Variants in CPED1 observed in about 807,000 individuals in gnomAD.
CPED1 encodes cadherin-like and PC-esterase domain-containing protein 1.
CPED1 carries 114 observed loss-of-function variants against 128.2 expected under a neutral mutation model. The observed-to-expected ratio is 0.89, with a 90% CI of 0.76 to 1.04. The LOEUF (loss-of-function observed/expected upper bound fraction) is 1.04, where lower values mean the gene tolerates loss of function less well. Among genes scored for constraint, CPED1 ranks in the 50% least tolerant of loss-of-function variants. The pLI is 0.00. For synonymous variants in CPED1, 462 were observed against 426.7 expected, an observed-to-expected ratio of 1.08 and a Z score of -1.02; for missense variants, 1,211 against 1,207.1, an observed-to-expected ratio of 1.00 and a Z score of -0.05.
chr7:121,097,190 C>A (rs1330796535), intron 5 of CPED1, among the ~76,000 whole-genome samples: 5 of 151,760 alleles, frequency 3.3e-5, no homozygotes, highest in Non-Finnish European at 7.4e-5. Context: ...TTTTATATAC[C>A]TTAAAATCCA....
At chr7:121,122,696 G>C (rs1028546933) in intron 7 of CPED1, among the ~76,000 whole-genome samples, 3 of 152,118 alleles carry the variant, frequency 2.0e-5, no homozygotes, top group African/African-American at 7.2e-5. Context: ...ACAGAACACA[G>C]GGCTTTCTAA....
At chr7:121,209,216 C>T (rs540958551) in intron 16 of CPED1, among the ~76,000 whole-genome samples, 4 of 152,054 alleles carry the variant, frequency 2.6e-5, no homozygotes, top group Admixed American at 6.6e-5. Context: ...GATCCATCAT[C>T]GAATAAATGG....
intron 16 of CPED1, among the ~76,000 whole-genome samples, chr7:121,161,237 G>C (rs897006658): frequency 6.6e-6 from 1 of 152,082 alleles, no homozygotes; most frequent in East Asian, 1.9e-4. Flanking sequence ...TTCTTGTCTG[G>C]AACCTCTGGG....
intron 14 of CPED1, among the ~76,000 whole-genome samples, chr7:121,138,055 A>C (rs1310430141): frequency 2.0e-5 from 3 of 152,076 alleles, no homozygotes; most frequent in Non-Finnish European, 4.4e-5. Flanking sequence ...GATAAAAATT[A>C]GTCCTGCCTG....
At chr7:121,074,576 C>T (rs1033488137) in intron 5 of CPED1, among the ~76,000 whole-genome samples, 4 of 117,270 alleles carry the variant, frequency 3.4e-5, no homozygotes, top group Non-Finnish European at 4.9e-5. Flanking sequence ...GATATCCTTT[C>T]TCCTCAATGA....
At chr7:121,133,162 G>A (rs924081254) in intron 12 of CPED1, among the ~76,000 whole-genome samples, 2 of 152,032 alleles carry the variant, frequency 1.3e-5, no homozygotes, top group Admixed American at 6.6e-5. Context: ...GTCTTGTCAG[G>A]GGCCTGCAGA....
intron 16 of CPED1, among the ~76,000 whole-genome samples, chr7:121,197,886 G>C (rs1797306597): frequency 6.6e-6 from 1 of 152,120 alleles, no homozygotes; most frequent in African/African-American, 2.4e-5. Context: ...ATTATGGATG[G>C]TAAGGCCAAG....
intron 16 of CPED1, among the ~76,000 whole-genome samples, chr7:121,210,697 G>A (rs1481371716): frequency 6.6e-6 from 1 of 151,848 alleles, no homozygotes; most frequent in African/African-American, 2.4e-5. Flanking sequence ...GGGGATGGTT[G>A]ATGTATACAA....
intron 2 of CPED1, among the ~76,000 whole-genome samples, chr7:120,994,280 A>T (rs541535591): frequency 6.6e-6 from 1 of 152,340 alleles, no homozygotes; most frequent in South Asian, 2.1e-4. Flanking sequence ...AACTAAAAAA[A>T]AATCCCCTAC....
At chr7:121,126,229 A>G (rs1795500480) in intron 9 of CPED1, among the ~76,000 whole-genome samples, 1 of 152,200 alleles carries the variant, frequency 6.6e-6, no homozygotes, top group South Asian at 2.1e-4. Context: ...GCGTATTCAC[A>G]TGAGGGTATA....
chr7:121,009,638 G>A (rs921923521), intron 2 of CPED1, among the ~76,000 whole-genome samples: 13 of 148,382 alleles, frequency 8.8e-5, no homozygotes, highest in Middle Eastern at 3.5e-3. Flanking sequence ...GTTCACATTA[G>A]GTGAAAAGAC....
chr7:121,248,360 A>G (rs1309659320), intron 18 of CPED1, among the ~76,000 whole-genome samples: 1 of 152,136 alleles, frequency 6.6e-6, no homozygotes, highest in Non-Finnish European at 1.5e-5. Context: ...AAATGCAGAC[A>G]CAGTACCAGT....
chr7:121,156,402 C>T (rs1270525342), intron 16 of CPED1, among the ~76,000 whole-genome samples: 2 of 152,096 alleles, frequency 1.3e-5, no homozygotes, highest in African/African-American at 2.4e-5. Context: ...TTTATTGCAG[C>T]GCTATTCACA....
chr7:121,130,818 T>C (rs1795649405), intron 12 of CPED1, among the ~76,000 whole-genome samples: 2 of 152,028 alleles, frequency 1.3e-5, no homozygotes, highest in South Asian at 2.1e-4. Flanking sequence ...TTTTAGAAGG[T>C]AGAATCTCAG....
chr7:121,036,505 A>ATT (rs1176031261), intron 3 of CPED1, among the ~76,000 whole-genome samples: 200 of 135,494 alleles, frequency 1.5e-3, no homozygotes, highest in African/African-American at 5.0e-3. Context: ...ATATATATAT[A>ATT]TATTTTTTTT....
chr7:121,034,001 TG>T (rs1297277905), intron 3 of CPED1, among the ~76,000 whole-genome samples: 5 of 152,160 alleles, frequency 3.3e-5, no homozygotes, highest in African/African-American at 1.2e-4. Flanking sequence ...ACATAAGTCA[TG>T]AAAAATAACA....
chr7:121,028,720 C>T (rs1330658661), intron 3 of CPED1, among the ~76,000 whole-genome samples: 1 of 152,104 alleles, frequency 6.6e-6, no homozygotes, highest in Non-Finnish European at 1.5e-5. Context: ...CTATGTGAAA[C>T]CATGTCTAAA....
intron 3 of CPED1, among the ~76,000 whole-genome samples, chr7:121,040,426 A>G (rs1421557638): frequency 6.6e-6 from 1 of 152,092 alleles, no homozygotes; most frequent in Non-Finnish European, 1.5e-5. Context: ...TCCTACATGA[A>G]GAGTGCAGAG....
chr7:121,055,103 G>C (rs535544988), intron 4 of CPED1, among the ~76,000 whole-genome samples: 1 of 152,060 alleles, frequency 6.6e-6, no homozygotes, highest in Non-Finnish European at 1.5e-5. Flanking sequence ...TCATTCAAAA[G>C]TTAAAAGACA....
Sources: allele counts gnomAD v4.1 joint callset (sites outside exome capture counted in the v4.1 genomes callset), GRCh38; gene constraint gnomAD v4.1.1; transcripts MANE v1.5; gene names NCBI Gene and HGNC (gene_info 2026-07-23, HGNC 2026-07-21).